Variants in PTPRD observed in about 807,000 individuals in gnomAD.
PTPRD encodes the protein protein tyrosine phosphatase receptor type D, also known as receptor-type tyrosine-protein phosphatase delta.
PTPRD carries 34 observed loss-of-function variants against 214.5 expected under a neutral mutation model. The ratio of observed to expected loss-of-function variants is 0.16; its 90% CI spans 0.12 to 0.21. The LOEUF is 0.21. Among genes scored for constraint, PTPRD ranks in the 10% least tolerant of loss-of-function variants. PTPRD has a pLI of 1.00. For synonymous variants in PTPRD, 1,128 were observed against 845.7 expected (o/e 1.33, Z -5.79); for missense variants, 2,545 against 2,398.7 (o/e 1.06, Z -1.27).
At chr9:9,376,329 C>A (rs1486622436) in intron 9 of PTPRD, among the ~76,000 whole-genome samples, 1 of 152,114 alleles carries the variant, frequency 6.6e-6, no homozygotes, top group African/African-American at 2.4e-5. Context: ...CTCAGTTTCA[C>A]CCTCCTATAA....
At chr9:8,552,839 T>C (rs2082510278) in intron 14 of PTPRD, among the ~76,000 whole-genome samples, 1 of 152,206 alleles carries the variant, frequency 6.6e-6, no homozygotes, top group South Asian at 2.1e-4. Context: ...AAGTAGATAC[T>C]TGGCAAGTCA....
intron 3 of PTPRD, among the ~76,000 whole-genome samples, chr9:10,145,979 C>T (rs1352318999): frequency 6.6e-6 from 1 of 151,716 alleles, no homozygotes; most frequent in African/African-American, 2.4e-5. Flanking sequence ...TTGATATGTT[C>T]TAAAACTTCA....
In PTPRD at chr9:8,464,715, C is replaced by CCT. The variant is rs1555053786; in HGVS notation, c.3714+750_3714+751insAG. Among the ~76,000 whole-genome samples the CCT allele has an allele frequency of 3.4e-5, 5 of 148,166 alleles. No homozygotes were observed. In the East Asian group the frequency reaches 6.0e-4, roughly 18 times the overall value. ...CCTGCCTATCTACAATATCTCTCCCCTTTTTTTTTTTAAACATTCAAAGTA... is the reference window on the plus strand; with the variant it reads ...CCTGCCTATCTACAATATCTCTCCCCCTTTTTTTTTTTTAAACATTCAAAGTA... On this transcript the variant is annotated intron_variant, in intron 32 of 45. Transcript: ENST00000381196.
At chr9:8,996,611 C>G (rs1397320529) in intron 11 of PTPRD, among the ~76,000 whole-genome samples, 1 of 151,990 alleles carries the variant, frequency 6.6e-6, no homozygotes, top group African/African-American at 2.4e-5. Context: ...AAGTCCAAGA[C>G]CAAGGCACCA....
At chr9:9,469,011 C>T (rs2146363867) in intron 8 of PTPRD, among the ~76,000 whole-genome samples, 1 of 152,082 alleles carries the variant, frequency 6.6e-6, no homozygotes, top group Admixed American at 6.5e-5. Context: ...GTGACTTTAG[C>T]ATCATAGCTT....
chr9:10,074,865 G>A (rs1477729827), intron 3 of PTPRD, among the ~76,000 whole-genome samples: 1 of 152,130 alleles, frequency 6.6e-6, no homozygotes, highest in Non-Finnish European at 1.5e-5. Flanking sequence ...CAGGCCTCTA[G>A]TAATGATGGA....
intron 3 of PTPRD, among the ~76,000 whole-genome samples, chr9:10,282,741 T>C (rs890498068): frequency 6.6e-6 from 1 of 152,030 alleles, no homozygotes; most frequent in South Asian, 2.1e-4. Flanking sequence ...GTGATTCTGA[T>C]TGTAGTTAGG....
At chr9:9,502,637 T>C (rs779459024) in intron 8 of PTPRD, among the ~76,000 whole-genome samples, 3 of 151,902 alleles carry the variant, frequency 2.0e-5, no homozygotes, top group African/African-American at 7.2e-5. Context: ...TCAAGCAAGA[T>C]TGTTTATAGC....
At chr9:8,553,796 G>T (rs1237806856) in intron 14 of PTPRD, among the ~76,000 whole-genome samples, 2 of 152,092 alleles carry the variant, frequency 1.3e-5, no homozygotes, top group African/African-American at 2.4e-5. Context: ...TGACCTTGTT[G>T]TTTGCCTGTA....
intron 8 of PTPRD, 29 bp downstream of exon 8, chr9:9,574,703 A>G (rs2087803320): frequency 6.6e-6 from 1 of 152,060 alleles, no homozygotes; most frequent in Admixed American, 6.6e-5. Context: ...AAATAACTCT[A>G]AAATTAGGTA....
intron 2 of PTPRD, among the ~76,000 whole-genome samples, chr9:10,595,775 T>C (rs1027942814): frequency 2.0e-5 from 3 of 151,744 alleles, no homozygotes; most frequent in African/African-American, 7.3e-5. Flanking sequence ...AACACTTTAC[T>C]AGTGGGGGGA....
intron 9 of PTPRD, among the ~76,000 whole-genome samples, chr9:9,254,071 T>G (rs1458297957): frequency 6.6e-6 from 1 of 152,138 alleles, no homozygotes; most frequent in Non-Finnish European, 1.5e-5. Flanking sequence ...AGGCCCCACC[T>G]GGAAAATCCA....
chr9:8,784,023 T>G (rs1368597693), intron 11 of PTPRD, among the ~76,000 whole-genome samples: 1 of 152,136 alleles, frequency 6.6e-6, no homozygotes, highest in Non-Finnish European at 1.5e-5. Context: ...TCCTCATGCT[T>G]TCTTATTGGA....
At chr9:8,836,391 C>G (rs889080334) in intron 11 of PTPRD, among the ~76,000 whole-genome samples, 1 of 152,030 alleles carries the variant, frequency 6.6e-6, no homozygotes, top group African/African-American at 2.4e-5. Context: ...CAATACTCTT[C>G]TTGGATTGTT....
chr9:8,781,017 C>T (rs946354985), intron 11 of PTPRD, among the ~76,000 whole-genome samples: 16 of 152,156 alleles, frequency 1.1e-4, no homozygotes, highest in African/African-American at 3.6e-4. Flanking sequence ...GAAATCTTCT[C>T]TTTAGGTTTA....
chr9:8,326,054 CATTT>C (rs1417379201), intron 44 of PTPRD, among the ~76,000 whole-genome samples: 1 of 152,146 alleles, frequency 6.6e-6, no homozygotes, highest in Admixed American at 6.6e-5. Context: ...AATTGAATAA[CATTT>C]ATTTCTTTCT....
At chr9:9,786,360 CTT>C (rs1312460729) in intron 5 of PTPRD, among the ~76,000 whole-genome samples, 1 of 152,104 alleles carries the variant, frequency 6.6e-6, no homozygotes, top group Non-Finnish European at 1.5e-5. Context: ...TGGTGGAAAA[CTT>C]TATTAGCATC....
intron 39 of PTPRD, among the ~76,000 whole-genome samples, chr9:8,351,720 G>A (rs1435727592): frequency 8.4e-6 from 1 of 118,524 alleles, no homozygotes. Context: ...TCATTGTAGA[G>A]AGGAGACTGC....
At chr9:9,061,418 A>C (rs1176350724) in intron 10 of PTPRD, among the ~76,000 whole-genome samples, 1 of 152,222 alleles carries the variant, frequency 6.6e-6, no homozygotes, top group African/African-American at 2.4e-5. Flanking sequence ...ACAACAAACA[A>C]GGTAATGAAG....
Sources: gnomAD v4.1 joint callset for allele counts (sites outside exome capture counted in the v4.1 genomes callset) on GRCh38, gnomAD v4.1.1 for gene constraint, MANE v1.5 for transcripts, NCBI Gene and HGNC (gene_info 2026-07-23, HGNC 2026-07-21) for gene names.